Variants in TMEM165 observed in about 807,000 individuals in gnomAD.
The protein encoded by TMEM165 is transmembrane protein 165.
Under a neutral mutation model 30.0 loss-of-function variants are expected in TMEM165, and 19 were observed. The observed-to-expected ratio is 0.63, with a 90% CI of 0.44 to 0.93. TMEM165 has a LOEUF of 0.93. TMEM165 is among the 40% of genes least tolerant of loss of function. The pLI is 0.00. For missense variants in TMEM165, 340 were observed against 417.0 expected, an observed-to-expected ratio of 0.82 and a Z score of 1.61; for synonymous variants, 168 against 162.9, an observed-to-expected ratio of 1.03 and a Z score of -0.24.
chr4:55,450,550 C>T (rs754388636), intron 3 of TMEM165, among the ~76,000 whole-genome samples: 1 of 152,070 alleles, frequency 6.6e-6, no homozygotes, highest in African/African-American at 2.4e-5. Flanking sequence ...GGCAGATCAC[C>T]TGAGGTCAGG....
chr4:55,397,626 C>T (rs896833435), intron 1 of TMEM165, among the ~76,000 whole-genome samples: 1 of 151,962 alleles, frequency 6.6e-6, no homozygotes, highest in Non-Finnish European at 1.5e-5. Context: ...TGACCCTTTC[C>T]TTTCCTTTCC....
At chr4:55,411,301 A>G (rs1016025822) in intron 1 of TMEM165, among the ~76,000 whole-genome samples, 1 of 152,206 alleles carries the variant, frequency 6.6e-6, no homozygotes, top group Non-Finnish European at 1.5e-5. Context: ...ACTGACATAC[A>G]TGAAATGCTC....
At chr4:55,430,653 G>C (rs1722437322), downstream of TMEM165, 1 of 152,122 alleles carries the variant, frequency 6.6e-6, no homozygotes, top group Non-Finnish European at 1.5e-5. Context: ...AAATGGAAAT[G>C]CTGAAATGAC....
intron 1 of TMEM165, among the ~76,000 whole-genome samples, chr4:55,402,403 G>GTATATATATA (rs869107499): frequency 9.6e-4 from 46 of 48,140 alleles, no homozygotes; most frequent in African/African-American, 1.3e-3. Context: ...GTGTGTGTGT[G>GTATATATATA]TATATATATA....
chr4:55,406,047 GAATCCCACTGA>G (rs905781920), intron 1 of TMEM165, among the ~76,000 whole-genome samples: 1 of 152,228 alleles, frequency 6.6e-6, no homozygotes, highest in South Asian at 2.1e-4. Flanking sequence ...GACTAGTACT[GAATCCCACTGA>G]AATCCCACTG....
chr4:55,417,238 A>G lies in TMEM165; in HGVS notation c.600A>G (p.Lys200=). The change falls in exon 3 of 6, where the codon AAA becomes AAG. Residue 200 remains lysine, a synonymous_variant. Coordinates refer to ENST00000381334, the MANE Select transcript of TMEM165 (RefSeq NM_018475.5). ...LEEVQAELKK[K]DEEFQRTKLL... ...AAGTTCAAGCTGAATTAAAGAAGAA[A>G]GATGAAGAAGTAAGCCATGGCACTG... 1 of 1,612,540 alleles carries G rather than the reference A, an allele frequency of 6.2e-7. No individual in the cohort carries two copies. The highest frequency in any genetic ancestry group is 1.1e-5 in the South Asian group (1 of 90,782).
intron 4 of TMEM165, 31 bp downstream of exon 4, chr4:55,418,016 A>C: frequency 6.4e-7 from 1 of 1,557,270 alleles, no homozygotes; most frequent in Non-Finnish European, 8.7e-7. Flanking sequence ...GACTGTTTAA[A>C]ATGAAACGTA....
chr4:55,448,721 A>G, intron 3 of TMEM165: 1 of 1,434,368 alleles, frequency 7.0e-7, no homozygotes, highest in South Asian at 1.2e-5. Context: ...AAATTACATT[A>G]GCTTAAAAGC....
At chr4:55,410,726 C>T (rs1721454971) in intron 1 of TMEM165, among the ~76,000 whole-genome samples, 3 of 152,160 alleles carry the variant, frequency 2.0e-5, no homozygotes, top group Non-Finnish European at 2.9e-5. Context: ...TTCTTAGCTT[C>T]CCGTCGTTCA....
At chr4:55,453,056 T>C in exon 4 of TMEM165, 3 of 1,606,346 alleles carry the variant, frequency 1.9e-6, no homozygotes, top group South Asian at 1.1e-5. Flanking sequence ...AAACATACTT[T>C]GTCAGCAGCT....
intron 3 of TMEM165, among the ~76,000 whole-genome samples, chr4:55,451,577 C>T (rs1724461791): frequency 3.3e-5 from 5 of 152,104 alleles, no homozygotes; most frequent in Admixed American, 3.3e-4. Flanking sequence ...ATGATGCTGG[C>T]AGTAAATATG....
At chr4:55,438,574 A>C (rs1329300167) in intron 3 of TMEM165, 2 of 1,612,128 alleles carry the variant, frequency 1.2e-6, no homozygotes, top group Admixed American at 1.7e-5. Context: ...TGGAGTCCAA[A>C]GTACAAGGTA....
intron 2 of TMEM165, among the ~76,000 whole-genome samples, chr4:55,412,393 C>CAAAAAAAAAAAAA (rs371124857): frequency 1.8e-4 from 10 of 54,374 alleles, no homozygotes; most frequent in African/African-American, 7.6e-4. Context: ...GACTCCATCT[C>CAAAAAAAAAAAAA]AAAAAAAAAA....
In TMEM165 at chr4:55,396,017, C is replaced by G. The variant is rs1720703720; in HGVS notation, c.-173C>G. ...CCGAGCCGGGGCTGCGGACTTCGGC[C>G]TGCCCCTCACCTCACTCCCGCTGCT... On this transcript the variant is annotated 5_prime_UTR_variant, in exon 1 of 6. Coordinates refer to ENST00000381334, the MANE Select transcript of TMEM165 (RefSeq NM_018475.5). The G allele has an allele frequency of 2.2e-6, 1 of 445,732 alleles. No individual in the cohort carries two copies. Among genetic ancestry groups the G allele is most frequent in the Non-Finnish European group, 3.7e-6 (1 of 272,742 alleles). 27.6% of individuals were successfully genotyped at this position (445,732 alleles called of 1,614,324 possible).
At chr4:55,411,227 G>GCATTATAC (rs1183206767) in intron 1 of TMEM165, among the ~76,000 whole-genome samples, 1 of 151,894 alleles carries the variant, frequency 6.6e-6, no homozygotes, top group East Asian at 1.9e-4. Flanking sequence ...ATGTAAATCT[G>GCATTATAC]CATTATACAT....
chr4:55,412,056 A>G (rs1721524840), intron 2 of TMEM165: 1 of 600,410 alleles, frequency 1.7e-6, no homozygotes, highest in Non-Finnish European at 2.9e-6. Flanking sequence ...TTCATCTTCA[A>G]TTTAAGGAAT....
At chr4:55,401,654 T>G (rs1475674767) in intron 1 of TMEM165, among the ~76,000 whole-genome samples, 1 of 150,480 alleles carries the variant, frequency 6.6e-6, no homozygotes, top group Non-Finnish European at 1.5e-5. Context: ...TTCATTAAGT[T>G]GCAGTCCCAC....
intron 1 of TMEM165, among the ~76,000 whole-genome samples, chr4:55,400,265 A>AATATATAATATAATATTATATATT (rs1560385810): frequency 2.0e-4 from 19 of 92,876 alleles, no homozygotes; most frequent in Admixed American, 2.0e-3. Flanking sequence ...ATTAATATAT[A>AATATATAATATAATATTATATATT]ATATATAATA....
At chr4:55,416,788 T>C in intron 2 of TMEM165, 1 of 238,742 alleles carries the variant, frequency 4.2e-6, no homozygotes, top group East Asian at 1.0e-4. Flanking sequence ...TGAACATGCC[T>C]GGAAAGGAGT....
Sources: gnomAD v4.1 joint callset for allele counts (sites outside exome capture counted in the v4.1 genomes callset) on GRCh38, gnomAD v4.1.1 for gene constraint, MANE v1.5 for transcripts, NCBI Gene and HGNC (gene_info 2026-07-23, HGNC 2026-07-21) for gene names.